Variants in ELMO1 observed in about 807,000 individuals in gnomAD.
ELMO1 encodes the protein engulfment and cell motility protein 1.
In ELMO1, 26 loss-of-function variants were observed where a neutral mutation model predicts 98.9. That is an observed-to-expected ratio of 0.26 (90% confidence interval 0.19 to 0.36). The LOEUF is 0.36. ELMO1 is among the 10% of genes least tolerant of loss of function. The pLI is 1.00. For missense variants in ELMO1, 627 were observed against 935.2 expected (o/e 0.67, Z 4.30); for synonymous variants, 346 against 346.0 (o/e 1.00, Z 0.00).
intron 16 of ELMO1, among the ~76,000 whole-genome samples, chr7:36,973,742 G>A (rs934682753): frequency 9.8e-5 from 15 of 152,348 alleles, no homozygotes; most frequent in East Asian, 1.9e-4. Flanking sequence ...GGGAGGTGTG[G>A]AGGGAGAGGC....
Position 37,009,156 on chromosome 7 carries a change from C to T in ELMO1, c.1437+4143G>A, listed in dbSNP as rs76724364. Among the ~76,000 whole-genome samples, 244 of 152,198 alleles carry T rather than the reference C, an allele frequency of 1.6e-3. 1 individual carries two copies. The highest frequency in any genetic ancestry group is 5.7e-3 in the African/African-American group (237 of 41,508). ...GTTACTTGTGTCCCCTTTCTTATCC[C>T]GCTCAAAAATGAGGATTTCAATGAA... is the stretch of plus-strand genomic sequence containing the variant. On this transcript the variant is annotated intron_variant, in intron 16 of 21. Transcript: ENST00000310758.
intron 4 of ELMO1, among the ~76,000 whole-genome samples, chr7:37,312,378 G>A (rs148034803): frequency 0.013 from 1,986 of 152,268 alleles, 53 homozygotes; most frequent in African/African-American, 0.045. Flanking sequence ...TGTGAACCAC[G>A]TGCCCAGCCC....
rs768013441 is a variant in ELMO1, at chr7:36,853,959, C to G, written c.*1592G>C. On this transcript the variant is annotated 3_prime_UTR_variant, in exon 22 of 22. Coordinates refer to ENST00000310758, the MANE Select transcript of ELMO1 (RefSeq NM_014800.11). ...TATTTCAGGTCTGTGGGTATGCATT[C>G]TTTTCATTGCTAAATGTGCTCCCTC... Among the ~76,000 whole-genome samples the G allele has an allele frequency of 1.3e-5, 2 of 152,168 alleles. No homozygotes were observed. The highest frequency in any genetic ancestry group is 2.9e-5 in the Non-Finnish European group (2 of 68,032).
chr7:37,207,034 G>C (rs73341939), intron 13 of ELMO1, among the ~76,000 whole-genome samples: 1,967 of 152,268 alleles, frequency 0.013, 49 homozygotes, highest in African/African-American at 0.045. Context: ...CTACAAATTG[G>C]AAATAAACCA....
rs1799127858 is a variant in ELMO1 at position 37,315,913 on chromosome 7, CACTT to C, written c.119+3_119+6del. ...AATGCCTTAGATAAATCCTGAGTAA[CACTT>C]ACCCATCACAGACTTCCTTTATTAT... On this transcript the variant is annotated splice_donor_5th_base_variant and intron_variant, in intron 3 of 21. Coordinates refer to ENST00000310758, the MANE Select transcript of ELMO1 (RefSeq NM_014800.11). 3 of 1,599,832 alleles carry C rather than the reference CACTT, an allele frequency of 1.9e-6. No individual in the cohort carries two copies. The highest frequency in any genetic ancestry group is 2.6e-6 in the Non-Finnish European group (3 of 1,175,656).
At chr7:37,379,122 C>T (rs1027347265) in intron 1 of ELMO1, among the ~76,000 whole-genome samples, 1 of 152,030 alleles carries the variant, frequency 6.6e-6, no homozygotes, top group African/African-American at 2.4e-5. Context: ...TCACTGCAAG[C>T]TCCGCCTCCC....
intron 2 of ELMO1, among the ~76,000 whole-genome samples, chr7:37,329,661 G>A (rs1415002128): frequency 6.6e-6 from 1 of 152,182 alleles, no homozygotes; most frequent in East Asian, 1.9e-4. Flanking sequence ...CATGAGGAAT[G>A]CAAGTCCACC....
chr7:37,182,538 G>A (rs756098928), intron 13 of ELMO1, among the ~76,000 whole-genome samples: 11 of 139,428 alleles, frequency 7.9e-5, no homozygotes, highest in Non-Finnish European at 1.5e-4. Flanking sequence ...TGGCACGATC[G>A]GTCTCGCTCT....
intron 6 of ELMO1, among the ~76,000 whole-genome samples, chr7:37,256,359 T>C (rs1795641455): frequency 6.6e-6 from 1 of 152,040 alleles, no homozygotes. Context: ...CACATTCAGT[T>C]CTAGGGATTT....
At position 37,315,812 on chromosome 7, in the gene ELMO1, G is replaced by A. The variant is rs866758196; in HGVS notation, c.119+108C>T. 1.9e-5 allele frequency: 19 copies of A among 994,674 alleles called. No homozygotes were observed. The Middle Eastern group carries it at 3.2e-3, about 170-fold the overall frequency. 61.6% of individuals were successfully genotyped at this position (994,674 alleles called of 1,614,324 possible). ...AGTAATTCTTATTGACTTTGAGCAAGTCAGTGGGTGACTTATGAATAATAT... is the reference window on the plus strand; with the variant it reads ...AGTAATTCTTATTGACTTTGAGCAAATCAGTGGGTGACTTATGAATAATAT... On this transcript the variant is annotated intron_variant, in intron 3 of 21. Coordinates refer to ENST00000310758, the MANE Select transcript of ELMO1 (RefSeq NM_014800.11).
Position 37,204,370 on chromosome 7 carries a change from C to T in ELMO1, c.1086+7016G>A, listed in dbSNP as rs541979754. 1,150 of 387,198 alleles carry T rather than the reference C, an allele frequency of 3.0e-3. 4 individuals carry two copies. The highest frequency in any genetic ancestry group is 4.6e-3 in the Non-Finnish European group (897 of 194,918). The allele number at this position is 387,198 out of a possible 1,614,324, so 24.0% of individuals were successfully genotyped here. A position where few individuals can be genotyped will look rare whatever the true frequency, so the allele number is the denominator to read the frequency against. Reference sequence around the variant, plus strand: ...TCAAGAGTGAAGCTGCAGACCTTCGCGGTGAGTGTTACAGTTCATAAAGGC... The same window carrying T: ...TCAAGAGTGAAGCTGCAGACCTTCGTGGTGAGTGTTACAGTTCATAAAGGC... On this transcript the variant is annotated intron_variant, in intron 13 of 21. Coordinates refer to ENST00000310758, the MANE Select transcript of ELMO1 (RefSeq NM_014800.11).
chr7:37,096,799 C>G lies in ELMO1; in HGVS notation c.1192-72G>C, dbSNP rs142418410. The G allele has an allele frequency of 6.2e-3, 8,245 of 1,334,904 alleles. 43 individuals are homozygous for G. Among genetic ancestry groups the G allele is most frequent in the Middle Eastern group, 7.6e-3 (41 of 5,388 alleles). The allele number at this position is 1,334,904 out of a possible 1,614,324, so 82.7% of individuals were successfully genotyped here. ...AAACATCAAGAATATCACCTTCATT[C>G]CAATAGATGAATACATAGATCCACT... On this transcript the variant is annotated intron_variant, in intron 14 of 21. Transcript: ENST00000310758.
chr7:36,895,094 C>CACCAGGGAAGCAGGGA, intron 16 of ELMO1, 77 bp from the exon 17 acceptor site: 1 of 1,553,190 alleles, frequency 6.4e-7, no homozygotes, highest in Non-Finnish European at 8.8e-7. Flanking sequence ...GAGTTAAGGG[C>CACCAGGGAAGCAGGGA]TCCCTGCTTC....
At chr7:37,199,439 A>G (rs1792159516) in intron 13 of ELMO1, among the ~76,000 whole-genome samples, 2 of 152,198 alleles carry the variant, frequency 1.3e-5, no homozygotes, top group African/African-American at 4.8e-5. Flanking sequence ...CAGCCTGGGC[A>G]AAAGAACAAG....
intron 1 of ELMO1, among the ~76,000 whole-genome samples, chr7:37,378,651 T>C (rs1802462165): frequency 6.6e-6 from 1 of 152,222 alleles, no homozygotes; most frequent in Non-Finnish European, 1.5e-5. Context: ...TTTAATTTGC[T>C]ATATTCTTGA....
intron 7 of ELMO1, among the ~76,000 whole-genome samples, chr7:37,239,451 C>T (rs1337786183): frequency 6.6e-6 from 1 of 152,182 alleles, no homozygotes; most frequent in Non-Finnish European, 1.5e-5. Context: ...AGGCGTGAGC[C>T]ACCGCGCCCA....
intron 19 of ELMO1, among the ~76,000 whole-genome samples, chr7:36,876,038 G>A (rs912919476): frequency 6.6e-6 from 1 of 152,190 alleles, no homozygotes; most frequent in Non-Finnish European, 1.5e-5. Flanking sequence ...TTCCCCTTGT[G>A]ACAGGTTAAG....
intron 1 of ELMO1, among the ~76,000 whole-genome samples, chr7:37,370,336 T>TGAAAAGG (rs202157095): frequency 0.08 from 12,233 of 152,216 alleles, 609 homozygotes; most frequent in Middle Eastern, 0.12. Context: ...TTCTCCCCAG[T>TGAAAAGG]ATATTTAAGC....
At chr7:37,261,461 G>A (rs976560949) in intron 5 of ELMO1, among the ~76,000 whole-genome samples, 8 of 152,124 alleles carry the variant, frequency 5.3e-5, no homozygotes, top group African/African-American at 1.7e-4. Context: ...TCTGGGGTGG[G>A]GTCCCAAAAG....
Sources: gnomAD v4.1 joint callset for allele counts (sites outside exome capture counted in the v4.1 genomes callset) on GRCh38, gnomAD v4.1.1 for gene constraint, MANE v1.5 for transcripts, NCBI Gene and HGNC (gene_info 2026-07-23, HGNC 2026-07-21) for gene names.